The following CDH7 variants were observed in gnomAD, a reference collection of about 807,000 sequenced individuals.
The protein encoded by CDH7 is cadherin-7.
Under a neutral mutation model 71.8 loss-of-function variants are expected in CDH7, and 25 were observed. That is an observed-to-expected ratio of 0.35 (90% CI 0.25 to 0.49). CDH7 has a LOEUF of 0.49. Among genes scored for constraint, CDH7 ranks in the 20% least tolerant of loss-of-function variants. CDH7 has a pLI of 0.99. For missense variants in CDH7, 862 were observed against 974.6 expected, an observed-to-expected ratio of 0.88 and a Z score of 1.54; for synonymous variants, 381 against 363.8, an observed-to-expected ratio of 1.05 and a Z score of -0.54.
intron 2 of CDH7, among the ~76,000 whole-genome samples, chr18:65,792,065 AG>A (rs1273228697): frequency 6.6e-6 from 1 of 152,036 alleles, no homozygotes; most frequent in South Asian, 2.1e-4. Context: ...TTTATCACAT[AG>A]GGGCATGTTA....
chr18:65,856,049 A>T (rs1342109126), intron 7 of CDH7, among the ~76,000 whole-genome samples: 1 of 152,150 alleles, frequency 6.6e-6, no homozygotes, highest in East Asian at 1.9e-4. Flanking sequence ...ACACTCAGGC[A>T]GTGTTGTGGA....
intron 11 of CDH7, among the ~76,000 whole-genome samples, chr18:65,869,281 C>T (rs1169858083): frequency 6.6e-6 from 1 of 151,486 alleles, no homozygotes; most frequent in Non-Finnish European, 1.5e-5. Flanking sequence ...AGAACCAATC[C>T]GTCAGTATTT....
Position 65,887,517 on chromosome 18 carries a change from TAAAAG to T in CDH7, c.*6624_*6628del, listed in dbSNP as rs1199353919. The T allele has an allele frequency of 6.7e-6, 1 of 148,230 alleles. No individual in the cohort carries two copies. The highest frequency in any genetic ancestry group is 1.5e-5 in the Non-Finnish European group (1 of 67,392). The allele number at this position is 148,230 out of a possible 1,614,324, so 9.2% of individuals were successfully genotyped here. ...TGCAGTAATTTTAAATGCCCAAAAA[TAAAAG>T]GAAAAGGAAAAATAAGTCACTACAC... On this transcript the variant is annotated 3_prime_UTR_variant, in exon 12 of 12. Coordinates refer to ENST00000397968, the MANE Select transcript of CDH7 (RefSeq NM_004361.5).
intron 4 of CDH7, 68 bp downstream of exon 4, chr18:65,814,672 C>A: frequency 7.1e-7 from 1 of 1,411,772 alleles, no homozygotes. Context: ...AATATTATTT[C>A]TAAATATAGT....
Position 65,757,816 on chromosome 18 carries a change from G to C in CDH7, c.-196-4831G>C, listed in dbSNP as rs191165459. On this transcript the variant is annotated intron_variant, in intron 1 of 11. Coordinates refer to ENST00000397968, the MANE Select transcript of CDH7 (RefSeq NM_004361.5). ...ATTTTTTTTTTCTGCACTTTTTAAAGAACTAGTAATAGTGAAGAGGTCAGC... is the reference window on the plus strand; with the variant it reads ...ATTTTTTTTTTCTGCACTTTTTAAACAACTAGTAATAGTGAAGAGGTCAGC... Among the ~76,000 whole-genome samples, 171 of 150,810 alleles carry C rather than the reference G, an allele frequency of 1.1e-3. 4 individuals carry two copies. Among genetic ancestry groups the C allele is most frequent in the Admixed American group, 0.01 (157 of 15,150 alleles).
intron 2 of CDH7, among the ~76,000 whole-genome samples, chr18:65,772,359 AT>A: frequency 6.6e-6 from 1 of 152,348 alleles, no homozygotes; most frequent in South Asian, 2.1e-4. Context: ...CCCATAAAAT[AT>A]CTGAGAAACT....
intron 2 of CDH7, among the ~76,000 whole-genome samples, chr18:65,782,018 CTCT>C: frequency 1.1e-5 from 1 of 93,024 alleles, no homozygotes; most frequent in African/African-American, 6.2e-5. Context: ...CTCTTTCTCT[CTCT>C]CTTTCTCCCT....
intron 11 of CDH7, chr18:65,863,358 A>G (rs1456422947): frequency 5.9e-6 from 1 of 170,274 alleles, no homozygotes; most frequent in African/African-American, 2.4e-5. Flanking sequence ...TTTGCTCACT[A>G]AGTAATACAA....
At chr18:65,831,718 C>A (rs1381762846) in intron 6 of CDH7, among the ~76,000 whole-genome samples, 2 of 151,842 alleles carry the variant, frequency 1.3e-5, no homozygotes, top group South Asian at 2.1e-4. Flanking sequence ...TTTCCATATT[C>A]TTTCCCTACC....
Position 65,845,032 on chromosome 18 carries a change from A to G in CDH7, c.1235+967A>G, listed in dbSNP as rs553832357. On this transcript the variant is annotated intron_variant, in intron 7 of 11. Transcript: ENST00000397968. ...AAGTGCTTTTGAACTAACTTTTGAG[A>G]TAAGTCTGGACGTTGGCTCTAAATT... Among the ~76,000 whole-genome samples, 98 of 152,160 alleles carry G rather than the reference A, an allele frequency of 6.4e-4. 1 individual carries two copies. The highest frequency in any genetic ancestry group is 3.4e-3 in the Middle Eastern group (1 of 294).
intron 2 of CDH7, among the ~76,000 whole-genome samples, chr18:65,778,900 A>G (rs1472532129): frequency 6.6e-6 from 1 of 152,062 alleles, no homozygotes. Context: ...TTCTTCTACA[A>G]ACTAATAGAT....
intron 11 of CDH7, chr18:65,866,540 T>C (rs1483508625): frequency 6.6e-6 from 1 of 152,078 alleles, no homozygotes; most frequent in Non-Finnish European, 1.5e-5. Flanking sequence ...ACCCAAACCT[T>C]ACAGAGGGAA....
At chr18:65,879,444 A>G (rs911950591) in intron 11 of CDH7, among the ~76,000 whole-genome samples, 2 of 152,214 alleles carry the variant, frequency 1.3e-5, no homozygotes, top group African/African-American at 4.8e-5. Context: ...ATTACTTTAC[A>G]TATTTTTAAA....
chr18:65,880,275 G>A (rs894602415), intron 11 of CDH7, 126 bp from the exon 12 acceptor site: 3 of 926,120 alleles, frequency 3.2e-6, no homozygotes, highest in Admixed American at 3.1e-5. Flanking sequence ...GTGGAAGTAG[G>A]TGGCCAATTC....
chr18:65,855,903 C>G (rs974515450), intron 7 of CDH7, among the ~76,000 whole-genome samples: 5 of 151,802 alleles, frequency 3.3e-5, no homozygotes, highest in African/African-American at 1.2e-4. Flanking sequence ...AGGGTTTATC[C>G]CAGAAGCATA....
intron 1 of CDH7, among the ~76,000 whole-genome samples, chr18:65,759,938 T>C (rs1395637732): frequency 1.3e-5 from 2 of 152,184 alleles, no homozygotes; most frequent in Non-Finnish European, 2.9e-5. Context: ...ATATATATAG[T>C]ACTTTGGCGC....
intron 11 of CDH7, among the ~76,000 whole-genome samples, chr18:65,867,300 G>C (rs1913794516): frequency 6.6e-6 from 1 of 152,102 alleles, no homozygotes; most frequent in East Asian, 1.9e-4. Context: ...CTCTCAAAGT[G>C]CTGGGATTAC....
intron 7 of CDH7, among the ~76,000 whole-genome samples, chr18:65,849,348 T>C (rs5010736): frequency 0.71 from 82,766 of 117,158 alleles, 26,555 homozygotes; most frequent in East Asian, 0.92. Context: ...CTTTTTCTTT[T>C]CTTTTCTTTT....
chr18:65,760,638 CCACAGACCT>C (rs1916164075), intron 1 of CDH7, among the ~76,000 whole-genome samples: 1 of 152,276 alleles, frequency 6.6e-6, no homozygotes, highest in East Asian at 1.9e-4. Context: ...TGTTCTATGG[CCACAGACCT>C]CACATGCTTG....
Sources: gnomAD v4.1 joint callset for allele counts (sites outside exome capture counted in the v4.1 genomes callset) on GRCh38, gnomAD v4.1.1 for gene constraint, MANE v1.5 for transcripts, NCBI Gene and HGNC (gene_info 2026-07-23, HGNC 2026-07-21) for gene names.